The following TAFA2 variants were observed in gnomAD, a reference collection of about 807,000 sequenced individuals.
TAFA2 encodes the protein TAFA chemokine like family member 2, also known as chemokine-like protein TAFA-2.
TAFA2 carries 7 observed loss-of-function variants against 18.8 expected under a neutral mutation model. That is an observed-to-expected ratio of 0.37 (90% CI 0.21 to 0.70). The LOEUF is 0.70. TAFA2 is among the 30% of genes least tolerant of loss of function. The pLI is 0.53. For synonymous variants in TAFA2, 60 were observed against 54.2 expected (o/e 1.11, Z -0.47); for missense variants, 122 against 158.1 (o/e 0.77, Z 1.23).
chr12:62,211,388 G>A (rs893277669), intron 1 of TAFA2, among the ~76,000 whole-genome samples: 2 of 152,066 alleles, frequency 1.3e-5, no homozygotes, highest in Non-Finnish European at 2.9e-5. Flanking sequence ...AGACCATCTT[G>A]GCTAACATGG....
chr12:61,973,174 C>T (rs1195357844), intron 1 of TAFA2, among the ~76,000 whole-genome samples: 1 of 151,590 alleles, frequency 6.6e-6, no homozygotes, highest in African/African-American at 2.4e-5. Context: ...GGGTCTATTT[C>T]TTCTACCCAG....
intron 1 of TAFA2, among the ~76,000 whole-genome samples, chr12:62,190,913 G>A (rs1369443496): frequency 6.6e-6 from 1 of 152,080 alleles, no homozygotes; most frequent in Non-Finnish European, 1.5e-5. Context: ...GTGAGGAATC[G>A]AATTACAACC....
intron 2 of TAFA2, among the ~76,000 whole-genome samples, chr12:61,780,859 G>A (rs1419302604): frequency 6.6e-6 from 1 of 151,590 alleles, no homozygotes; most frequent in Non-Finnish European, 1.5e-5. Context: ...AGTCTTCCTT[G>A]CCATTTTTAA....
intron 4 of TAFA2, among the ~76,000 whole-genome samples, chr12:61,735,355 G>T (rs1039486481): frequency 1.3e-5 from 2 of 151,646 alleles, no homozygotes; most frequent in Non-Finnish European, 2.9e-5. Flanking sequence ...ATCCAGATTG[G>T]CAATCTTTGT....
At chr12:61,823,276 A>T (rs2121058206) in intron 2 of TAFA2, among the ~76,000 whole-genome samples, 1 of 152,172 alleles carries the variant, frequency 6.6e-6, no homozygotes, top group East Asian at 1.9e-4. Context: ...GGCCTCAAGC[A>T]GTCCTCCCAC....
chr12:62,010,753 C>T (rs1198694736), intron 1 of TAFA2, among the ~76,000 whole-genome samples: 2 of 149,726 alleles, frequency 1.3e-5, no homozygotes, highest in African/African-American at 4.9e-5. Flanking sequence ...GGCGTCTCTG[C>T]CCGGCCCCCC....
chr12:61,872,354 C>T (rs1297903737), intron 1 of TAFA2, among the ~76,000 whole-genome samples: 1 of 151,740 alleles, frequency 6.6e-6, no homozygotes, highest in Non-Finnish European at 1.5e-5. Flanking sequence ...ATCTAAATAC[C>T]GGACAAACTT....
At chr12:62,125,647 G>C (rs1374091902) in intron 1 of TAFA2, among the ~76,000 whole-genome samples, 1 of 151,912 alleles carries the variant, frequency 6.6e-6, no homozygotes, top group Non-Finnish European at 1.5e-5. Context: ...CACATGTTTA[G>C]AGAACCTAAG....
chr12:61,728,510 C>T (rs1870282181), intron 4 of TAFA2, among the ~76,000 whole-genome samples: 1 of 151,650 alleles, frequency 6.6e-6, no homozygotes, highest in African/African-American at 2.4e-5. Context: ...ATTGTTGTTG[C>T]TTTAAAGTCT....
chr12:62,167,477 T>C (rs1172362088), intron 1 of TAFA2, among the ~76,000 whole-genome samples: 1 of 152,120 alleles, frequency 6.6e-6, no homozygotes, highest in African/African-American at 2.4e-5. Context: ...CATTGCAGGA[T>C]AAAACAAATA....
At chr12:61,775,331 T>C (rs1199890504) in intron 2 of TAFA2, among the ~76,000 whole-genome samples, 1 of 151,856 alleles carries the variant, frequency 6.6e-6, no homozygotes, top group Non-Finnish European at 1.5e-5. Flanking sequence ...GTTGAAAACT[T>C]ATATTGACCC....
chr12:61,895,087 C>T (rs1050296743), intron 1 of TAFA2, among the ~76,000 whole-genome samples: 5 of 152,042 alleles, frequency 3.3e-5, no homozygotes, highest in Non-Finnish European at 5.9e-5. Flanking sequence ...AAGCCAAGGG[C>T]GTTATGTACT....
chr12:62,188,110 C>A (rs2062597896), intron 1 of TAFA2, among the ~76,000 whole-genome samples: 1 of 152,100 alleles, frequency 6.6e-6, no homozygotes, highest in Non-Finnish European at 1.5e-5. Context: ...TGTGTTAATG[C>A]ATTTCTTCTC....
intron 1 of TAFA2, among the ~76,000 whole-genome samples, chr12:61,942,751 G>GA (rs1272515494): frequency 2.1e-5 from 1 of 47,626 alleles, no homozygotes; most frequent in Non-Finnish European, 4.2e-5. Context: ...GAAGTTTAGA[G>GA]AAAAAAGAAT....
chr12:62,014,195 C>T (rs1880855087), intron 1 of TAFA2, among the ~76,000 whole-genome samples: 1 of 152,184 alleles, frequency 6.6e-6, no homozygotes, highest in South Asian at 2.1e-4. Flanking sequence ...AAGCTACATC[C>T]TCAAGAATAC....
At chr12:61,957,378 A>C (rs1208298848) in intron 1 of TAFA2, among the ~76,000 whole-genome samples, 1 of 152,158 alleles carries the variant, frequency 6.6e-6, no homozygotes, top group Non-Finnish European at 1.5e-5. Flanking sequence ...TACAGCAAAG[A>C]CAGCTGGGGA....
At chr12:61,997,489 T>C (rs987882752) in intron 1 of TAFA2, among the ~76,000 whole-genome samples, 2 of 152,154 alleles carry the variant, frequency 1.3e-5, no homozygotes, top group African/African-American at 2.4e-5. Flanking sequence ...GCCCAGTGGC[T>C]CTTACAGCCC....
At chr12:61,821,213 C>T (rs1244079034) in intron 2 of TAFA2, among the ~76,000 whole-genome samples, 2 of 151,480 alleles carry the variant, frequency 1.3e-5, no homozygotes, top group African/African-American at 4.8e-5. Flanking sequence ...ACACTAATTG[C>T]TGTACATAAC....
intron 1 of TAFA2, among the ~76,000 whole-genome samples, chr12:61,940,615 G>A (rs1295851227): frequency 6.6e-6 from 1 of 152,192 alleles, no homozygotes; most frequent in Non-Finnish European, 1.5e-5. Context: ...TCAACCCAAA[G>A]CCTGCCTGCT....
Sources: allele counts gnomAD v4.1 joint callset (sites outside exome capture counted in the v4.1 genomes callset), GRCh38; gene constraint gnomAD v4.1.1; transcripts MANE v1.5; gene names NCBI Gene and HGNC (gene_info 2026-07-23, HGNC 2026-07-21).